Variants in TCEA1 observed in about 807,000 individuals in gnomAD.
TCEA1 encodes transcription elongation factor A protein 1.
Under a neutral mutation model 43.8 loss-of-function variants are expected in TCEA1, and 21 were observed. The observed-to-expected ratio is 0.48, with a 90% CI of 0.34 to 0.69. The LOEUF is 0.69. Ranked by LOEUF, TCEA1 falls within the 30% of genes least tolerant of loss-of-function variation. The probability of loss-of-function intolerance (pLI) is 0.01; values close to 1 mark genes in which losing one functional copy is unlikely to be tolerated. For synonymous variants in TCEA1, 104 were observed against 117.5 expected (o/e 0.88, Z 0.75); for missense variants, 250 against 365.1 (o/e 0.68, Z 2.57).
At chr8:54,015,320 C>A (rs1202353194) in intron 1 of TCEA1, among the ~76,000 whole-genome samples, 1 of 151,996 alleles carries the variant, frequency 6.6e-6, no homozygotes, top group Non-Finnish European at 1.5e-5. Context: ...CAGGCGCCCA[C>A]CACCACGCCC....
At chr8:53,973,594 A>G in intron 8 of TCEA1, 1 of 564,674 alleles carries the variant, frequency 1.8e-6, no homozygotes. Context: ...CTGGATGAGG[A>G]GGAGGAAAGT....
intron 1 of TCEA1, among the ~76,000 whole-genome samples, chr8:54,015,815 G>C (rs900898960): frequency 1.3e-5 from 2 of 152,252 alleles, no homozygotes; most frequent in East Asian, 3.9e-4. Flanking sequence ...TTGTACTCCA[G>C]CCTGGGCAAC....
chr8:54,002,195 G>T (rs1157173136), intron 2 of TCEA1, among the ~76,000 whole-genome samples: 1 of 151,678 alleles, frequency 6.6e-6, no homozygotes, highest in Non-Finnish European at 1.5e-5. Context: ...AAAAAGGGCG[G>T]GTATGGTGGC....
intron 6 of TCEA1, among the ~76,000 whole-genome samples, chr8:53,985,249 T>G (rs183686641): frequency 6.6e-6 from 1 of 152,276 alleles, no homozygotes; most frequent in Admixed American, 6.5e-5. Flanking sequence ...ACTCCTGACC[T>G]CAGGTGATCC....
At chr8:53,978,920 A>G in intron 8 of TCEA1, 105 bp downstream of exon 8, 2 of 1,315,988 alleles carry the variant, frequency 1.5e-6, no homozygotes, top group South Asian at 3.1e-5. Flanking sequence ...CCCTCCATGG[A>G]TAAGTGAGGG....
At chr8:54,015,473 T>C (rs1254210490) in intron 1 of TCEA1, among the ~76,000 whole-genome samples, 1 of 152,178 alleles carries the variant, frequency 6.6e-6, no homozygotes, top group African/African-American at 2.4e-5. Flanking sequence ...TGGCCCATTA[T>C]CTATTTTCTT....
intron 4 of TCEA1, among the ~76,000 whole-genome samples, chr8:53,990,909 T>C (rs920607811): frequency 2.0e-5 from 3 of 152,222 alleles, no homozygotes; most frequent in Non-Finnish European, 4.4e-5. Flanking sequence ...GCAACTTAGA[T>C]TTAACCTTCT....
chr8:53,972,820 GTGGC>G, intron 8 of TCEA1: 5 of 723,142 alleles, frequency 6.9e-6, no homozygotes, highest in Non-Finnish European at 1.3e-5. Context: ...GAGGATTGTG[GTGGC>G]CTGGAATTTG....
chr8:54,017,918 T>C (rs1002513776), intron 1 of TCEA1, among the ~76,000 whole-genome samples: 1 of 152,154 alleles, frequency 6.6e-6, no homozygotes, highest in South Asian at 2.1e-4. Flanking sequence ...GCATGAGTTA[T>C]ACTACTACAA....
chr8:54,000,372 A>G (rs895267572), intron 2 of TCEA1, among the ~76,000 whole-genome samples: 2 of 152,222 alleles, frequency 1.3e-5, no homozygotes, highest in Admixed American at 6.5e-5. Context: ...AATGTTGTAT[A>G]TAAGTCAGGC....
chr8:54,021,776 T>G, intron 1 of TCEA1: 1 of 308,382 alleles, frequency 3.2e-6, no homozygotes. Context: ...GCACGAAAGT[T>G]TAAAGTCAAC....
Position 53,988,217 on chromosome 8 carries a change from A to G in TCEA1, c.363T>C (p.Asn121=), listed in dbSNP as rs762109908. ...GNVSNRKDET[N]ARDTYVSSFP... ...AGGATGAAACATAAGTATCTCGAGC[A>G]TTTGTCTCATCCTTTCTGTTGCTTA... The change falls in exon 5 of 10, where the codon AAT becomes AAC. Residue 121 remains asparagine (N), a synonymous_variant. Coordinates refer to ENST00000521604, the MANE Select transcript of TCEA1 (RefSeq NM_006756.4). 4 of 1,613,644 alleles carry G rather than the reference A, an allele frequency of 2.5e-6. No homozygotes were observed. The highest frequency in any genetic ancestry group is 3.4e-6 in the Non-Finnish European group (4 of 1,179,764).
At chr8:53,973,337 A>AACTG in intron 8 of TCEA1, 1 of 530,652 alleles carries the variant, frequency 1.9e-6, no homozygotes, top group Non-Finnish European at 3.5e-6. Flanking sequence ...GGAAAGGATA[A>AACTG]ACTGACCCCT....
chr8:53,969,671 G>C (rs1224388714), intron 9 of TCEA1, among the ~76,000 whole-genome samples: 1 of 152,072 alleles, frequency 6.6e-6, no homozygotes, highest in East Asian at 1.9e-4. Flanking sequence ...TCAGTAATGG[G>C]AAGTGGCAAA....
At chr8:53,989,976 C>T (rs763710998) in intron 4 of TCEA1, among the ~76,000 whole-genome samples, 1 of 152,042 alleles carries the variant, frequency 6.6e-6, no homozygotes, top group Non-Finnish European at 1.5e-5. Flanking sequence ...TGGCTCATGC[C>T]TGTAATCCCA....
chr8:53,999,193 C>T (rs530632670), intron 3 of TCEA1, among the ~76,000 whole-genome samples: 18 of 143,424 alleles, frequency 1.3e-4, no homozygotes, highest in African/African-American at 4.7e-4. Flanking sequence ...CCACTGCACT[C>T]CAGCCTGGGC....
chr8:53,986,056 T>G (rs1803680951), intron 6 of TCEA1, among the ~76,000 whole-genome samples: 1 of 152,214 alleles, frequency 6.6e-6, no homozygotes, highest in Admixed American at 6.5e-5. Flanking sequence ...GAATAAGACT[T>G]TGAATTCTAT....
chr8:53,971,873 G>T (rs889231778), intron 8 of TCEA1: 1 of 203,192 alleles, frequency 4.9e-6, no homozygotes, highest in Non-Finnish European at 9.6e-6. Flanking sequence ...AACTGATATA[G>T]ATAATTCTGA....
rs1009821711 is a variant in TCEA1, at chr8:53,977,237, G to A, written c.825+1788C>T. Among the ~76,000 whole-genome samples, 6 of 152,276 alleles carry A rather than the reference G, an allele frequency of 3.9e-5. 1 individual carries two copies. In the East Asian group the frequency reaches 7.7e-4, roughly 20 times the overall value. ...CGGGAGGCTGAGGCAGGAGAACGGC[G>A]TGAACCCGGGAGGCGGAGTTTGCAG... On this transcript the variant is annotated intron_variant, in intron 8 of 9. Transcript: ENST00000521604.
Sources: allele counts gnomAD v4.1 joint callset (sites outside exome capture counted in the v4.1 genomes callset), GRCh38; gene constraint gnomAD v4.1.1; transcripts MANE v1.5; gene names NCBI Gene and HGNC (gene_info 2026-07-23, HGNC 2026-07-21).